The following MBNL1 variants were observed in gnomAD, a reference collection of about 807,000 sequenced individuals.
MBNL1 encodes muscleblind-like protein 1.
A neutral mutation model predicts 42.2 loss-of-function variants in MBNL1; 8 were observed. The ratio of observed to expected loss-of-function variants is 0.19; its 90% confidence interval spans 0.11 to 0.34. The LOEUF (loss-of-function observed/expected upper bound fraction) is 0.34. Among genes scored for constraint, MBNL1 ranks in the 10% least tolerant of loss-of-function variants. MBNL1 has a pLI of 1.00. For synonymous variants in MBNL1, 169 were observed against 173.9 expected (o/e 0.97, Z 0.22); for missense variants, 309 against 495.3 (o/e 0.62, Z 3.57).
intron 1 of MBNL1, among the ~76,000 whole-genome samples, chr3:152,295,906 T>A (rs1403392636): frequency 6.6e-6 from 1 of 152,136 alleles, no homozygotes; most frequent in Non-Finnish European, 1.5e-5. Context: ...AGCAACAAGA[T>A]AAAATGTATC....
intron 1 of MBNL1, among the ~76,000 whole-genome samples, chr3:152,286,715 G>A (rs957022789): frequency 1.3e-5 from 2 of 151,574 alleles, no homozygotes; most frequent in African/African-American, 2.4e-5. Context: ...CATTTTATTT[G>A]TGTGTGATTT....
At chr3:152,297,437 AGG>A in intron 1 of MBNL1, among the ~76,000 whole-genome samples, 1 of 144,726 alleles carries the variant, frequency 6.9e-6, no homozygotes, top group South Asian at 2.2e-4. Context: ...TTCACCTCCC[AGG>A]TTCTAAGTGA....
intron 2 of MBNL1, among the ~76,000 whole-genome samples, chr3:152,317,436 CA>C (rs1221433108): frequency 6.6e-6 from 1 of 152,126 alleles, no homozygotes. Context: ...TCTCCCGCCT[CA>C]ATCTCCTGAG....
chr3:152,382,196 G>T (rs1451361491), intron 2 of MBNL1, among the ~76,000 whole-genome samples: 1 of 152,000 alleles, frequency 6.6e-6, no homozygotes, highest in Non-Finnish European at 1.5e-5. Flanking sequence ...AAAACTAGCT[G>T]ACCACTCTGA....
chr3:152,438,507 G>C (rs1560596242), intron 4 of MBNL1, among the ~76,000 whole-genome samples: 1 of 152,142 alleles, frequency 6.6e-6, no homozygotes, highest in Non-Finnish European at 1.5e-5. Flanking sequence ...TTTGCATTTT[G>C]AGCACTTCAG....
At chr3:152,327,871 A>G (rs1281745205) in intron 2 of MBNL1, among the ~76,000 whole-genome samples, 1 of 151,870 alleles carries the variant, frequency 6.6e-6, no homozygotes, top group African/African-American at 2.4e-5. Context: ...AATAGTGGCC[A>G]TAAAGGAATT....
intron 2 of MBNL1, among the ~76,000 whole-genome samples, chr3:152,310,968 A>G (rs1027709526): frequency 2.5e-4 from 37 of 149,282 alleles, no homozygotes; most frequent in African/African-American, 9.1e-4. Context: ...AAGTAGTATA[A>G]CTGTTATTTT....
chr3:152,350,958 C>T (rs1429556984), intron 2 of MBNL1, among the ~76,000 whole-genome samples: 5 of 152,056 alleles, frequency 3.3e-5, no homozygotes, highest in Admixed American at 3.3e-4. Flanking sequence ...AGTTTCATAG[C>T]CCTGCCTATC....
At chr3:152,443,814 G>C (rs1252323764) in intron 4 of MBNL1, among the ~76,000 whole-genome samples, 1 of 152,132 alleles carries the variant, frequency 6.6e-6, no homozygotes, top group Non-Finnish European at 1.5e-5. Flanking sequence ...GTGTAGTGGT[G>C]AATGACACTG....
At position 152,445,486 on chromosome 3, in the gene MBNL1, T is replaced by TACCAGGTCA; in HGVS notation, c.761_769dup (p.Val254_Gln256dup). The TACCAGGTCA allele has an allele frequency of 6.2e-7, 1 of 1,605,464 alleles. No homozygotes were observed. Among genetic ancestry groups the TACCAGGTCA allele is most frequent in the Non-Finnish European group, 8.5e-7 (1 of 1,174,852 alleles). On this transcript the variant is annotated inframe_insertion, in exon 5 of 10. Transcript: ENST00000324210. ...GCAAGCCAAGATCAAGGCTGCCCAATACCAGGTCAACCAGGCTGCAGCTGC... is the reference window on the plus strand; with the variant it reads ...GCAAGCCAAGATCAAGGCTGCCCAATACCAGGTCAACCAGGTCAACCAGGCTGCAGCTGC...
chr3:152,407,509 A>G (rs575492828), intron 2 of MBNL1, among the ~76,000 whole-genome samples: 1 of 152,134 alleles, frequency 6.6e-6, no homozygotes, highest in African/African-American at 2.4e-5. Context: ...GAAGAAATCA[A>G]AACAGTAGAA....
chr3:152,338,246 CT>C (rs769996074), intron 2 of MBNL1: 1 of 985,326 alleles, frequency 1.0e-6, no homozygotes, highest in Non-Finnish European at 1.2e-6. Context: ...CTTGGTGATT[CT>C]TTTCAAGCAC....
chr3:152,289,883 C>T (rs1159650073), intron 1 of MBNL1, among the ~76,000 whole-genome samples: 1 of 151,974 alleles, frequency 6.6e-6, no homozygotes, highest in Non-Finnish European at 1.5e-5. Context: ...TTGTGTATTA[C>T]GTTGTGTCAT....
At chr3:152,420,643 A>G (rs531529733) in intron 3 of MBNL1, among the ~76,000 whole-genome samples, 1 of 152,230 alleles carries the variant, frequency 6.6e-6, no homozygotes, top group South Asian at 2.1e-4. Flanking sequence ...AAGGTAGGTA[A>G]ATCCACGAAG....
In MBNL1 at chr3:152,422,065, A is replaced by C. The variant is rs543913123; in HGVS notation, c.345+6954A>C. On this transcript the variant is annotated intron_variant, in intron 3 of 9. Coordinates refer to ENST00000324210, the MANE Select transcript of MBNL1 (RefSeq NM_021038.5). ...AGCTAGCATCATAATGACAGGATCA[A>C]ATTCACACATAACAATATTAACCTT... Among the ~76,000 whole-genome samples, 99 of 152,310 alleles carry C rather than the reference A, an allele frequency of 6.5e-4. 1 individual carries two copies. The highest frequency in any genetic ancestry group is 2.3e-3 in the African/African-American group (95 of 41,574).
intron 2 of MBNL1, among the ~76,000 whole-genome samples, chr3:152,353,676 T>TC (rs2095284016): frequency 6.6e-6 from 1 of 150,638 alleles, no homozygotes; most frequent in Admixed American, 6.6e-5. Context: ...AAATCCTTTT[T>TC]TTTTTTTTTT....
chr3:152,266,900 G>T (rs1387997506), upstream of MBNL1: 2 of 152,266 alleles, frequency 1.3e-5, no homozygotes, highest in Admixed American at 6.5e-5. Flanking sequence ...TACAAGTCCA[G>T]ACTCCATCTC....
At chr3:152,402,984 A>G (rs2098292245) in intron 2 of MBNL1, among the ~76,000 whole-genome samples, 1 of 152,200 alleles carries the variant, frequency 6.6e-6, no homozygotes, top group African/African-American at 2.4e-5. Flanking sequence ...ATACAAAGGA[A>G]GATACAACAA....
rs886387245 is a variant in MBNL1 at position 152,462,909 on chromosome 3, A to G, written c.*543A>G. Reference sequence around the variant, plus strand: ...AAGAGTAATATTTTTAATGTAATAGATTGTAAGACGTGGTGAGGGAGGGAT... The same window carrying G: ...AAGAGTAATATTTTTAATGTAATAGGTTGTAAGACGTGGTGAGGGAGGGAT... On this transcript the variant is annotated 3_prime_UTR_variant, in exon 10 of 10. Transcript: ENST00000324210. 5 of 152,544 alleles carry G rather than the reference A, an allele frequency of 3.3e-5. No homozygotes were observed. Among genetic ancestry groups the G allele is most frequent in the African/African-American group, 1.2e-4 (5 of 41,436 alleles). 9.4% of individuals were successfully genotyped at this position (152,544 alleles called of 1,614,324 possible). A position where few individuals can be genotyped will look rare whatever the true frequency, so the allele number is the denominator to read the frequency against.
Sources: allele counts gnomAD v4.1 joint callset (sites outside exome capture counted in the v4.1 genomes callset), GRCh38; gene constraint gnomAD v4.1.1; transcripts MANE v1.5; gene names NCBI Gene and HGNC (gene_info 2026-07-23, HGNC 2026-07-21).